Variants in TOP1 observed in about 807,000 individuals in gnomAD.
TOP1 encodes the protein DNA topoisomerase 1.
Under a neutral mutation model 111.1 loss-of-function variants are expected in TOP1, and 10 were observed. That is an observed-to-expected ratio of 0.09 (90% CI 0.06 to 0.15). TOP1 has a LOEUF of 0.15. Ranked by LOEUF, TOP1 falls within the 10% of genes least tolerant of loss-of-function variation. The pLI is 1.00. For missense variants in TOP1, 474 were observed against 926.7 expected, an observed-to-expected ratio of 0.51 and a Z score of 6.34; for synonymous variants, 271 against 302.9, an observed-to-expected ratio of 0.89 and a Z score of 1.10.
chr20:41,091,267 C>T lies in TOP1; in HGVS notation c.615-1205C>T, dbSNP rs559312369. ...GAGGGTAGTAAGTTAGTTATCTATT[C>T]GAGTAAAAGAAACTTGAGGCATAGC... On this transcript the variant is annotated intron_variant, in intron 8 of 20. Transcript: ENST00000361337. 2.6e-5 allele frequency among the ~76,000 whole-genome samples: 4 copies of T among 152,134 alleles called. No homozygotes were observed. The South Asian group carries it at 6.2e-4, about 24-fold the overall frequency.
Position 41,116,164 on chromosome 20 carries a change from T to C in TOP1, c.1708-114T>C, listed in dbSNP as rs2034326804. The C allele has an allele frequency of 1.5e-6, 1 of 656,670 alleles. No homozygotes were observed. The highest frequency in any genetic ancestry group is 1.8e-5 in the South Asian group (1 of 54,476). The allele number at this position is 656,670 out of a possible 1,614,324, so 40.7% of individuals were successfully genotyped here. On this transcript the variant is annotated intron_variant, in intron 16 of 20. Coordinates refer to ENST00000361337, the MANE Select transcript of TOP1 (RefSeq NM_003286.4). The surrounding 1 kb of genome is among the most constrained non-coding windows in gnomAD (Gnocchi z 5.6). ...TCCTCTTTCCCTAACTTCCCACTTG[T>C]AGGGCAATAAACTTGACAAGATTGT...
intron 4 of TOP1, 81 bp from the exon 5 acceptor site, chr20:41,077,501 C>A: frequency 8.9e-7 from 1 of 1,127,968 alleles, no homozygotes; most frequent in Non-Finnish European, 1.3e-6. Context: ...GTCCCAGGAA[C>A]TGATGCTACA....
At position 41,115,956 on chromosome 20, in the gene TOP1, G is replaced by A. The variant is rs1459422069; in HGVS notation, c.1708-322G>A. Among the ~76,000 whole-genome samples, 6 of 152,120 alleles carry A rather than the reference G, an allele frequency of 3.9e-5. No homozygotes were observed. ...CCAGGTGTGGTAGTCCACACCTGTAGTCCCAGCTGCTTAGGAGCCTCAGAA... is the reference window on the plus strand; with the variant it reads ...CCAGGTGTGGTAGTCCACACCTGTAATCCCAGCTGCTTAGGAGCCTCAGAA... On this transcript the variant is annotated intron_variant, in intron 16 of 20. Transcript: ENST00000361337. The surrounding 1 kb of genome is among the most constrained non-coding windows in gnomAD (Gnocchi z 6.3).
At chr20:41,088,433 G>GT (rs1192891858) in intron 8 of TOP1, among the ~76,000 whole-genome samples, 1 of 152,228 alleles carries the variant, frequency 6.6e-6, no homozygotes, top group Non-Finnish European at 1.5e-5. Flanking sequence ...AACCCTGGAG[G>GT]TGGAGCTTGC....
At chr20:41,031,940 AATT>A (rs1209458675) in intron 2 of TOP1, among the ~76,000 whole-genome samples, 1 of 152,260 alleles carries the variant, frequency 6.6e-6, no homozygotes, top group Non-Finnish European at 1.5e-5. Flanking sequence ...ACATTGGTGT[AATT>A]ATTCTTTGTG....
intron 8 of TOP1, among the ~76,000 whole-genome samples, chr20:41,090,131 G>A (rs983860092): frequency 6.6e-6 from 1 of 151,990 alleles, no homozygotes; most frequent in Admixed American, 6.6e-5. Context: ...GCACCACCAC[G>A]CCTGGCTAAT....
chr20:41,094,663 G>A lies in TOP1; in HGVS notation c.730+2076G>A, dbSNP rs1249626447. 6.6e-6 allele frequency among the ~76,000 whole-genome samples: 1 copy of A among 152,128 alleles called. No homozygotes were observed. Among genetic ancestry groups the A allele is most frequent in the Admixed American group, 6.5e-5 (1 of 15,274 alleles). Reference sequence around the variant, plus strand: ...CTTTGATTGTGTGAACTCTTACTCTGCAGTAAGTCAAGAAGTCATATTTGA... The same window carrying A: ...CTTTGATTGTGTGAACTCTTACTCTACAGTAAGTCAAGAAGTCATATTTGA... On this transcript the variant is annotated intron_variant, in intron 9 of 20. Coordinates refer to ENST00000361337, the MANE Select transcript of TOP1 (RefSeq NM_003286.4). This position sits in a 1 kb window ranked among gnomAD's most constrained non-coding sequence, Gnocchi z 4.4.
Position 41,123,707 on chromosome 20 carries a change from T to C in TOP1, c.*410T>C. 4.3e-6 allele frequency: 1 copy of C among 233,056 alleles called. No homozygotes were observed. Among genetic ancestry groups the C allele is most frequent in the Non-Finnish European group, 8.5e-6 (1 of 117,818 alleles). 14.4% of individuals were successfully genotyped at this position (233,056 alleles called of 1,614,324 possible). ...TTTTGCAATAACTTCTATATTTTAA[T>C]AGAAATAAATTCCTAAACTCCCTTC... On this transcript the variant is annotated 3_prime_UTR_variant, in exon 21 of 21. Coordinates refer to ENST00000361337, the MANE Select transcript of TOP1 (RefSeq NM_003286.4). This position sits in a 1 kb window ranked among gnomAD's most constrained non-coding sequence, Gnocchi z 5.8.
At chr20:41,104,183 G>GT (rs2034109001) in intron 13 of TOP1, among the ~76,000 whole-genome samples, 1 of 152,272 alleles carries the variant, frequency 6.6e-6, no homozygotes, top group East Asian at 1.9e-4. Context: ...TCTTGGGCAA[G>GT]TTTTAGGGCC....
At position 41,071,320 on chromosome 20, in the gene TOP1, G is replaced by A. The variant is rs1435564455; in HGVS notation, c.156-4851G>A. Among the ~76,000 whole-genome samples, 1 of 151,652 alleles carries A rather than the reference G, an allele frequency of 6.6e-6. No homozygotes were observed. The highest frequency in any genetic ancestry group is 1.5e-5 in the Non-Finnish European group (1 of 67,894). ...TTGCTGTCATCACTTTAAAAATAGT[G>A]TAAGTTATTTTTTTCTTTCCTTTTT... On this transcript the variant is annotated intron_variant, in intron 3 of 20. Coordinates refer to ENST00000361337, the MANE Select transcript of TOP1 (RefSeq NM_003286.4). This position sits in a 1 kb window ranked among gnomAD's most constrained non-coding sequence, Gnocchi z 4.3.
chr20:41,087,617 A>G (rs150381407), intron 8 of TOP1, among the ~76,000 whole-genome samples: 1 of 152,354 alleles, frequency 6.6e-6, no homozygotes, highest in Non-Finnish European at 1.5e-5. Flanking sequence ...AATATGGATT[A>G]TTGACATTTT....
chr20:41,086,288 C>A (rs1221949578), intron 8 of TOP1, among the ~76,000 whole-genome samples: 1 of 151,966 alleles, frequency 6.6e-6, no homozygotes, highest in East Asian at 1.9e-4. Context: ...AAAAAAAACC[C>A]CACATGGGTT....
In TOP1 at chr20:41,069,903, T is replaced by C. The variant is rs1414160043; in HGVS notation, c.156-6268T>C. ...AAAGTAATGGTTAGAAAGAAAAACATAAGCAAAACATAGAGGCATTGTAGT... is the reference window on the plus strand; with the variant it reads ...AAAGTAATGGTTAGAAAGAAAAACACAAGCAAAACATAGAGGCATTGTAGT... On this transcript the variant is annotated intron_variant, in intron 3 of 20. Transcript: ENST00000361337. The surrounding 1 kb of genome is among the most constrained non-coding windows in gnomAD (Gnocchi z 4.1). Among the ~76,000 whole-genome samples the C allele has an allele frequency of 1.3e-5, 2 of 152,152 alleles. No individual in the cohort carries two copies. The highest frequency in any genetic ancestry group is 3.8e-4 in the East Asian group (2 of 5,196).
At chr20:41,091,552 C>CTTTTTTTTTTTT (rs532948716) in intron 8 of TOP1, among the ~76,000 whole-genome samples, 3 of 96,212 alleles carry the variant, frequency 3.1e-5, no homozygotes, top group African/African-American at 4.2e-5. Flanking sequence ...AATTATTAAC[C>CTTTTTTTTTTTT]TTTTTTTTTT....
chr20:41,108,241 T>C (rs919835593), intron 13 of TOP1, among the ~76,000 whole-genome samples: 1 of 152,232 alleles, frequency 6.6e-6, no homozygotes, highest in African/African-American at 2.4e-5. Flanking sequence ...CTCTTGTGTC[T>C]ATATTTTACT....
Position 41,116,534 on chromosome 20 carries a change from G to T in TOP1, c.1822+142G>T. 1.6e-6 allele frequency: 1 copy of T among 606,228 alleles called. No individual in the cohort carries two copies. Among genetic ancestry groups the T allele is most frequent in the South Asian group, 2.1e-5 (1 of 48,348 alleles). The allele number at this position is 606,228 out of a possible 1,614,324, so 37.6% of individuals were successfully genotyped here. A position where few individuals can be genotyped will look rare whatever the true frequency, so the allele number is the denominator to read the frequency against. ...TTTTTCCCTTTAGACCTCTAGTAGCGAGATAATGCTTTGTTGTATAAACAT... is the reference window on the plus strand; with the variant it reads ...TTTTTCCCTTTAGACCTCTAGTAGCTAGATAATGCTTTGTTGTATAAACAT... On this transcript the variant is annotated intron_variant, in intron 17 of 20. Transcript: ENST00000361337. This position sits in a 1 kb window ranked among gnomAD's most constrained non-coding sequence, Gnocchi z 5.6.
Position 41,072,390 on chromosome 20 carries a change from C to A in TOP1, c.156-3781C>A, listed in dbSNP as rs2033678300. 3.0e-6 allele frequency: 3 copies of A among 985,222 alleles called. No individual in the cohort carries two copies. The South Asian group carries it at 1.4e-4, about 46-fold the overall frequency. 61.0% of individuals were successfully genotyped at this position (985,222 alleles called of 1,614,324 possible). ...TGAGGAAAGTACAGTTCTTTAGCTA[C>A]CATGAAAGTCAAACATATCCTAAGC... On this transcript the variant is annotated intron_variant, in intron 3 of 20. Coordinates refer to ENST00000361337, the MANE Select transcript of TOP1 (RefSeq NM_003286.4).
At position 41,108,857 on chromosome 20, in the gene TOP1, C is replaced by G. The variant is rs577497626; in HGVS notation, c.1309-3925C>G. ...GCTTATGGGTACTCACTGCTAAGTA[C>G]AATCCACTGCCAAGTTTGGAAGCAT... On this transcript the variant is annotated intron_variant, in intron 13 of 20. Coordinates refer to ENST00000361337, the MANE Select transcript of TOP1 (RefSeq NM_003286.4). Among the ~76,000 whole-genome samples the G allele has an allele frequency of 7.6e-4, 115 of 152,286 alleles. 2 individuals carry two copies. The highest frequency in any genetic ancestry group is 2.7e-3 in the African/African-American group (113 of 41,556).
At position 41,071,962 on chromosome 20, in the gene TOP1, A is replaced by C. The variant is rs1376257369; in HGVS notation, c.156-4209A>C. The stretch of plus-strand genomic sequence containing the variant: ...GCTACTGTCTGTATTTTTGTCCTTC[A>C]GCATATCCCAGACTAAACTTACTCT... On this transcript the variant is annotated intron_variant, in intron 3 of 20. Coordinates refer to ENST00000361337, the MANE Select transcript of TOP1 (RefSeq NM_003286.4). This position sits in a 1 kb window ranked among gnomAD's most constrained non-coding sequence, Gnocchi z 4.3. 6.6e-6 allele frequency among the ~76,000 whole-genome samples: 1 copy of C among 152,188 alleles called. No homozygotes were observed. The highest frequency in any genetic ancestry group is 1.5e-5 in the Non-Finnish European group (1 of 68,040).
Sources: gnomAD v4.1 joint callset for allele counts (sites outside exome capture counted in the v4.1 genomes callset) on GRCh38, gnomAD v4.1.1 for gene constraint, Gnocchi (gnomAD v3.1) non-coding constraint, MANE v1.5 for transcripts, NCBI Gene and HGNC (gene_info 2026-07-23, HGNC 2026-07-21) for gene names.